HMCN1: variants seen among roughly 807,000 people sequenced by gnomAD.
HMCN1 encodes the protein hemicentin-1.
A neutral mutation model predicts 625.9 loss-of-function variants in HMCN1; 321 were observed. The observed-to-expected ratio is 0.51, with a 90% CI of 0.47 to 0.56. The LOEUF (loss-of-function observed/expected upper bound fraction) is 0.56, where lower values mean the gene tolerates loss of function less well. Ranked by LOEUF, HMCN1 falls within the 20% of genes least tolerant of loss-of-function variation. The pLI, the probability that HMCN1 is intolerant of heterozygous loss-of-function variation, is 0.00. For missense variants in HMCN1, 6,588 were observed against 6,887.3 expected (o/e 0.96, Z 1.54); for synonymous variants, 2,425 against 2,417.6 (o/e 1.00, Z -0.09).
At chr1:185,897,862 C>G (rs947208182) in intron 4 of HMCN1, among the ~76,000 whole-genome samples, 1 of 152,184 alleles carries the variant, frequency 6.6e-6, no homozygotes, top group Non-Finnish European at 1.5e-5. Flanking sequence ...CTGCTCCCCT[C>G]TAGACTGAAT....
chr1:186,128,003 C>G, intron 82 of HMCN1, 75 bp from the exon 83 acceptor site: 2 of 1,233,682 alleles, frequency 1.6e-6, no homozygotes, highest in Non-Finnish European at 2.4e-6. Flanking sequence ...GAGGGCCTAG[C>G]TATGCAATTT....
intron 36 of HMCN1, among the ~76,000 whole-genome samples, chr1:186,024,839 C>A (rs1027037357): frequency 6.6e-6 from 1 of 152,138 alleles, no homozygotes; most frequent in African/African-American, 2.4e-5. Flanking sequence ...CAGCAGCCCC[C>A]AACCTTTTTG....
intron 11 of HMCN1, among the ~76,000 whole-genome samples, chr1:185,941,539 A>T (rs1269254732): frequency 6.6e-6 from 1 of 152,176 alleles, no homozygotes; most frequent in Non-Finnish European, 1.5e-5. Context: ...AACCAAAATG[A>T]GGTCTATGAA....
intron 10 of HMCN1, among the ~76,000 whole-genome samples, chr1:185,929,675 A>G (rs1280938096): frequency 6.6e-6 from 1 of 152,190 alleles, no homozygotes; most frequent in Non-Finnish European, 1.5e-5. Flanking sequence ...TAGGTATATC[A>G]TATATTTAGA....
In HMCN1 at chr1:185,970,453, G is replaced by A; in HGVS notation, c.2331G>A (p.Glu777=). The part of the protein sequence containing the change: ...AGDYTCVAIN[E]AGRATGKITL... The stretch of plus-strand genomic sequence containing the variant: ...ATTATACCTGTGTAGCCATCAATGA[G>A]GCTGGAAGAGCAACTGGCAAGATAA... The change falls in exon 15 of 107, where the codon GAG becomes GAA. Residue 777 remains glutamate (E), a synonymous_variant. Coordinates refer to ENST00000271588, the MANE Select transcript of HMCN1 (RefSeq NM_031935.3). The A allele has an allele frequency of 1.9e-6, 3 of 1,613,980 alleles. No homozygotes were observed. In the South Asian group the frequency reaches 3.3e-5, roughly 18 times the overall value.
chr1:186,098,027 C>A lies in HMCN1; in HGVS notation c.10573+2506C>A, dbSNP rs1660214668. On this transcript the variant is annotated intron_variant, in intron 68 of 106. Coordinates refer to ENST00000271588, the MANE Select transcript of HMCN1 (RefSeq NM_031935.3). Reference sequence around the variant, plus strand: ...CAGAAATATGAAACTAGACCTCTATCTTTCACTGTATACAAAAATCAACTC... The same window carrying A: ...CAGAAATATGAAACTAGACCTCTATATTTCACTGTATACAAAAATCAACTC... Among the ~76,000 whole-genome samples the A allele has an allele frequency of 3.9e-5, 6 of 152,058 alleles. No individual in the cohort carries two copies. In the South Asian group the frequency reaches 1.2e-3, roughly 31 times the overall value.
intron 1 of HMCN1, among the ~76,000 whole-genome samples, chr1:185,830,525 T>C (rs1349297827): frequency 6.6e-6 from 1 of 152,186 alleles, no homozygotes; most frequent in Non-Finnish European, 1.5e-5. Context: ...ACATTGCTTG[T>C]TCTTGTCAGG....
intron 1 of HMCN1, among the ~76,000 whole-genome samples, chr1:185,785,567 G>A: frequency 6.6e-6 from 1 of 152,162 alleles, no homozygotes. Context: ...AAAATTGTTT[G>A]AATAATTCAG....
At chr1:186,039,959 G>A (rs2102231963) in intron 39 of HMCN1, 80 bp downstream of exon 39, 1 of 1,337,034 alleles carries the variant, frequency 7.5e-7, no homozygotes, top group Non-Finnish European at 1.1e-6. Flanking sequence ...AACTGTTGAA[G>A]AGATTTAGAG....
At chr1:185,832,561 A>C (rs1230109613) in intron 1 of HMCN1, among the ~76,000 whole-genome samples, 1 of 152,200 alleles carries the variant, frequency 6.6e-6, no homozygotes, top group East Asian at 1.9e-4. Context: ...GAAGCCAACT[A>C]GGTAGCCATC....
At position 186,138,406 on chromosome 1, in the gene HMCN1, C is replaced by T. The variant is rs79895573; in HGVS notation, c.13924+434C>T. Among the ~76,000 whole-genome samples, 168 of 152,276 alleles carry T rather than the reference C, an allele frequency of 1.1e-3. 2 individuals are homozygous for T. The highest frequency in any genetic ancestry group is 5.8e-3 in the East Asian group (30 of 5,190). On this transcript the variant is annotated intron_variant, in intron 89 of 106. Coordinates refer to ENST00000271588, the MANE Select transcript of HMCN1 (RefSeq NM_031935.3). Reference sequence around the variant, plus strand: ...TAAATACTTGCCACATAATAGGAACCATGCTAGGTGCTTTATATTGTTAAT... The same window carrying T: ...TAAATACTTGCCACATAATAGGAACTATGCTAGGTGCTTTATATTGTTAAT...
In HMCN1 at chr1:186,117,022, A is replaced by G. The variant is rs1332840724; in HGVS notation, c.11590A>G (p.Ile3864Val). ...CCTTTCTTCAGGTTCACTAGTAATT[A>G]TTTCCCCTTCTGTGGATGACACTGC... Reference protein sequence around the residue: ...RLLSSGSLVIISPSVDDTATY... With the variant: ...RLLSSGSLVIVSPSVDDTATY... The change falls in exon 76 of 107, where the codon ATT becomes GTT. Residue 3864 changes from isoleucine to valine, a missense_variant. By Grantham distance (29) the Ile-to-Val change is conservative. Coordinates refer to ENST00000271588, the MANE Select transcript of HMCN1 (RefSeq NM_031935.3). The G allele has an allele frequency of 2.2e-5, 36 of 1,613,280 alleles. No individual in the cohort carries two copies. The highest frequency in any genetic ancestry group is 3.1e-5 in the Non-Finnish European group (36 of 1,179,400).
chr1:185,937,178 A>G (rs373783326), intron 11 of HMCN1, among the ~76,000 whole-genome samples: 2 of 152,338 alleles, frequency 1.3e-5, no homozygotes, highest in African/African-American at 4.8e-5. Flanking sequence ...AAAGACTTCA[A>G]TTCTTTTAGA....
chr1:185,932,201 A>G (rs1287705468), intron 10 of HMCN1, among the ~76,000 whole-genome samples: 1 of 152,220 alleles, frequency 6.6e-6, no homozygotes, highest in Non-Finnish European at 1.5e-5. Context: ...TAAAAAACAT[A>G]ACAAAATAAT....
rs1390820138 is a variant in HMCN1, at chr1:186,076,581, G to A, written c.8444G>A (p.Gly2815Asp). Residue 2815 changes from glycine (G) to aspartate (D), a missense_variant, in exon 54 of 107, where the codon GGC becomes GAC. By Grantham distance (94) the Gly-to-Asp change is moderately conservative. Around this residue, in one of 3 missense-constraint regions of HMCN1, gnomAD observed 4,628 missense variants for 4,853.1 expected, o/e 0.95. Coordinates refer to ENST00000271588, the MANE Select transcript of HMCN1 (RefSeq NM_031935.3). ...PPPTLTWYKD[G>D]HPLTSSDKVL... Reference sequence around the variant, plus strand: ...CCTACACTGACATGGTACAAAGATGGCCACCCTCTGACCTCAAGTGATAAA... The same window carrying A: ...CCTACACTGACATGGTACAAAGATGACCACCCTCTGACCTCAAGTGATAAA... 7 of 1,613,712 alleles carry A rather than the reference G, an allele frequency of 4.3e-6. No homozygotes were observed. In the East Asian group the frequency reaches 1.3e-4, roughly 31 times the overall value.
intron 1 of HMCN1, among the ~76,000 whole-genome samples, chr1:185,794,835 GT>G (rs1389411435): frequency 1.3e-5 from 2 of 151,982 alleles, no homozygotes; most frequent in Non-Finnish European, 2.9e-5. Flanking sequence ...AAAAAAACTT[GT>G]GATAATATTC....
chr1:186,039,072 T>C (rs1656028232), intron 38 of HMCN1, 67 bp downstream of exon 38: 3 of 1,084,652 alleles, frequency 2.8e-6, no homozygotes, highest in Admixed American at 3.4e-5. Context: ...AGTGCTTCTA[T>C]AAAATTCTTG....
Position 185,994,816 on chromosome 1 carries a change from T to A in HMCN1, c.3507T>A (p.Val1169=), listed in dbSNP as rs760402634. 1 of 1,613,258 alleles carries A rather than the reference T, an allele frequency of 6.2e-7. No homozygotes were observed. ...TTAATACCCAGTTATTATTTCTAGT[T>A]CCTCCAAAGATACAGCGTGGACCTA... ...VTQAVKLNVH[V]PPKIQRGPKH... Residue 1169 remains valine, a splice_region_variant and synonymous_variant, in exon 24 of 107, where the codon GTT becomes GTA. Coordinates refer to ENST00000271588, the MANE Select transcript of HMCN1 (RefSeq NM_031935.3).
intron 98 of HMCN1, among the ~76,000 whole-genome samples, chr1:186,165,549 T>C (rs1195565829): frequency 6.6e-6 from 1 of 152,178 alleles, no homozygotes; most frequent in Non-Finnish European, 1.5e-5. Context: ...CACCTAACCC[T>C]AGAATTAATC....
Sources: allele counts gnomAD v4.1 joint callset (sites outside exome capture counted in the v4.1 genomes callset), GRCh38; gene constraint gnomAD v4.1.1; regional missense constraint gnomAD v4.1.1; transcripts MANE v1.5; gene names NCBI Gene and HGNC (gene_info 2026-07-23, HGNC 2026-07-21).